The following TP53I3 variants were observed in gnomAD, a reference collection of about 807,000 sequenced individuals.
The protein encoded by TP53I3 is tumor protein p53 inducible protein 3.
In TP53I3, 32 loss-of-function variants were observed where a neutral mutation model predicts 27.7. The ratio of observed to expected loss-of-function variants is 1.16; its 90% CI spans 0.87 to 1.55. The LOEUF is 1.55. Ranked by LOEUF, TP53I3 falls within the 40% of genes most tolerant of loss-of-function variation. TP53I3 has a pLI of 0.00. For synonymous variants in TP53I3, 138 were observed against 167.8 expected (o/e 0.82, Z 1.37); for missense variants, 372 against 412.3 (o/e 0.90, Z 0.85).
At position 24,080,008 on chromosome 2, in the gene TP53I3, G is replaced by C. The variant is rs1187899422; in HGVS notation, c.620-368C>G. Among the ~76,000 whole-genome samples the C allele has an allele frequency of 2.0e-5, 3 of 152,150 alleles. No individual in the cohort carries two copies. Among genetic ancestry groups the C allele is most frequent in the African/African-American group, 7.2e-5 (3 of 41,430 alleles). On this transcript the variant is annotated intron_variant, in intron 3 of 4. Coordinates refer to ENST00000238721, the MANE Select transcript of TP53I3 (RefSeq NM_004881.5). The surrounding 1 kb of genome is among the most constrained non-coding windows in gnomAD (Gnocchi z 4.7). ...AGAAGTTAGGAAGTGTCCGCACTAGGTTATTGGAATCATAGGCTTTCTAGC... is the reference window on the plus strand; with the variant it reads ...AGAAGTTAGGAAGTGTCCGCACTAGCTTATTGGAATCATAGGCTTTCTAGC...
At chr2:24,083,213 CT>C (rs539145903) in intron 1 of TP53I3, 61 bp from the exon 2 acceptor site, 161 of 1,488,508 alleles carry the variant, frequency 1.1e-4, no homozygotes, top group Non-Finnish European at 1.1e-4. Context: ...GTCACTACCC[CT>C]GGCCCCCCTT....
In TP53I3 at chr2:24,081,040, G is replaced by C. The variant is rs1167608469; in HGVS notation, c.407-9C>G. The stretch of plus-strand genomic sequence containing the variant: ...TCCAGCCTGAACATTTCCTGTGACA[G>C]AAAGTACAGGGTTCTCTTTACTTTG... On this transcript the variant is annotated splice_polypyrimidine_tract_variant and intron_variant, in intron 2 of 4. Coordinates refer to ENST00000238721, the MANE Select transcript of TP53I3 (RefSeq NM_004881.5). 5.0e-6 allele frequency: 8 copies of C among 1,610,364 alleles called. No homozygotes were observed. The East Asian group carries it at 1.8e-4, about 36-fold the overall frequency.
chr2:24,077,839 C>T lies in TP53I3; in HGVS notation c.817-78G>A, dbSNP rs1664826737. Reference sequence around the variant, plus strand: ...CTCCTCATCCTCCTCAGCCTTCTTGCTCTCTCTGAAGCCACGTATCTGAAA... The same window carrying T: ...CTCCTCATCCTCCTCAGCCTTCTTGTTCTCTCTGAAGCCACGTATCTGAAA... On this transcript the variant is annotated intron_variant, in intron 4 of 4. Coordinates refer to ENST00000238721, the MANE Select transcript of TP53I3 (RefSeq NM_004881.5). The surrounding 1 kb of genome is among the most constrained non-coding windows in gnomAD (Gnocchi z 5.5). 1 of 1,507,764 alleles carries T rather than the reference C, an allele frequency of 6.6e-7. No homozygotes were observed. The highest frequency in any genetic ancestry group is 9.0e-7 in the Non-Finnish European group (1 of 1,115,670). 93.4% of individuals were successfully genotyped at this position (1,507,764 alleles called of 1,614,324 possible).
rs1429280567 is a variant in TP53I3 at position 24,084,712 on chromosome 2, G to A, written c.-386C>T. On this transcript the variant is annotated 5_prime_UTR_variant, in exon 1 of 5. Transcript: ENST00000238721. The surrounding 1 kb of genome is among the most constrained non-coding windows in gnomAD (Gnocchi z 8.4). ...CCCCAGCCCGACCCGGGTCCCCGGC[G>A]CCCGTATGAGTTACTTACTCCTGGC... 5.8e-6 allele frequency: 1 copy of A among 172,978 alleles called. No homozygotes were observed. The highest frequency in any genetic ancestry group is 1.6e-4 in the East Asian group (1 of 6,440). The allele number at this position is 172,978 out of a possible 1,614,324, so 10.7% of individuals were successfully genotyped here.
rs762845337 is a variant in TP53I3, at chr2:24,084,264, G to A, written c.63C>T (p.Ala21=). ...CTTCACCCTCCCCCGGGCTCGGCTT[G>A]GCCACCTCCTTCACGTAGAGGTTTT... is the stretch of plus-strand genomic sequence containing the variant. ...GPENLYVKEV[A]KPSPGEGEVL... is the part of the protein sequence containing the mutation. The change falls in exon 1 of 5, where the codon GCC becomes GCT. Residue 21 remains alanine (A), a synonymous_variant. Coordinates refer to ENST00000238721, the MANE Select transcript of TP53I3 (RefSeq NM_004881.5). The surrounding 1 kb of genome is among the most constrained non-coding windows in gnomAD (Gnocchi z 8.4). 2.5e-6 allele frequency: 4 copies of A among 1,613,996 alleles called. No homozygotes were observed. In the Admixed American group the frequency reaches 6.7e-5, roughly 27 times the overall value.
rs1041407268 is a variant in TP53I3, at chr2:24,081,472, C to G, written c.407-441G>C. Among the ~76,000 whole-genome samples the G allele has an allele frequency of 1.2e-4, 18 of 152,324 alleles. 1 individual carries two copies. In the East Asian group the frequency reaches 3.5e-3, roughly 29 times the overall value. ...CTGGCCTCCAGCTGGTCTTCCTGAT[C>G]CAGGCAACACACAGCCACCAGGCTC... On this transcript the variant is annotated intron_variant, in intron 2 of 4. Coordinates refer to ENST00000238721, the MANE Select transcript of TP53I3 (RefSeq NM_004881.5).
chr2:24,077,473 G>T lies in TP53I3; in HGVS notation c.*106C>A, dbSNP rs1664799601. 7.5e-7 allele frequency: 1 copy of T among 1,331,284 alleles called. No individual in the cohort carries two copies. The highest frequency in any genetic ancestry group is 1.0e-6 in the Non-Finnish European group (1 of 992,544). 82.5% of individuals were successfully genotyped at this position (1,331,284 alleles called of 1,614,324 possible). A position where few individuals can be genotyped will look rare whatever the true frequency, so the allele number is the denominator to read the frequency against. ...TATTTCCTCATATCAGCTTTAAACG[G>T]CTCTGGAGGAAGCACCGGGTTTCTT... On this transcript the variant is annotated 3_prime_UTR_variant, in exon 5 of 5. Transcript: ENST00000238721. The surrounding 1 kb of genome is among the most constrained non-coding windows in gnomAD (Gnocchi z 5.5).
At position 24,080,365 on chromosome 2, in the gene TP53I3, A is replaced by AG. The variant is rs1303175047; in HGVS notation, c.619+453_619+454insC. Reference sequence around the variant, plus strand: ...GTGAGACTCCATCTCAAAAAAAAAAAAGAAAGAGAAACGGAAAGGGATGAG... The same window carrying AG: ...GTGAGACTCCATCTCAAAAAAAAAAAGAGAAAGAGAAACGGAAAGGGATGAG... On this transcript the variant is annotated intron_variant, in intron 3 of 4. Transcript: ENST00000238721. The surrounding 1 kb of genome is among the most constrained non-coding windows in gnomAD (Gnocchi z 4.7). 3.9e-5 allele frequency among the ~76,000 whole-genome samples: 6 copies of AG among 151,934 alleles called. No individual in the cohort carries two copies. The highest frequency in any genetic ancestry group is 1.3e-4 in the Admixed American group (2 of 15,268).
In TP53I3 at chr2:24,079,002, A is replaced by G. The variant is rs556301617; in HGVS notation, c.816+442T>C. 9.8e-5 allele frequency: 16 copies of G among 164,098 alleles called. No homozygotes were observed. In the East Asian group the frequency reaches 2.6e-3, roughly 27 times the overall value. The allele number at this position is 164,098 out of a possible 1,614,324, so 10.2% of individuals were successfully genotyped here. On this transcript the variant is annotated intron_variant, in intron 4 of 4. Transcript: ENST00000238721. ...CTGGACTCAAGCAATCCTCTGCCTC[A>G]GCCTTCCAAGTAGCTGGGACTACAA...
intron 2 of TP53I3, among the ~76,000 whole-genome samples, chr2:24,082,682 A>G (rs1447652998): frequency 6.6e-6 from 1 of 152,076 alleles, no homozygotes; most frequent in African/African-American, 2.4e-5. Context: ...TAGGCCTCCT[A>G]TCTAGTGTTA....
rs1175983816 is a variant in TP53I3, at chr2:24,084,111, T to C, written c.138+78A>G. 1 of 1,520,144 alleles carries C rather than the reference T, an allele frequency of 6.6e-7. No homozygotes were observed. Among genetic ancestry groups the C allele is most frequent in the African/African-American group, 1.4e-5 (1 of 73,068 alleles). 94.2% of individuals were successfully genotyped at this position (1,520,144 alleles called of 1,614,324 possible). A position where few individuals can be genotyped will look rare whatever the true frequency, so the allele number is the denominator to read the frequency against. ...GTGGAGCGGTGCACGCCTTCACGTC[T>C]GGTCAATGTCCACTGAGTGCTGTTG... On this transcript the variant is annotated intron_variant, in intron 1 of 4. Transcript: ENST00000238721. The surrounding 1 kb of genome is among the most constrained non-coding windows in gnomAD (Gnocchi z 8.4).
chr2:24,079,312 C>T lies in TP53I3; in HGVS notation c.816+132G>A, dbSNP rs1206977175. 5.3e-6 allele frequency: 5 copies of T among 944,418 alleles called. No homozygotes were observed. In the East Asian group the frequency reaches 1.0e-4, roughly 19 times the overall value. 58.5% of individuals were successfully genotyped at this position (944,418 alleles called of 1,614,324 possible). On this transcript the variant is annotated intron_variant, in intron 4 of 4. Transcript: ENST00000238721. ...CTCTGAAATCGGGTTCCCTCTTTAT[C>T]TTCAGAGGGGGAGGTTTCTTCATAG...
rs776891935 is a variant in TP53I3 at position 24,082,913 on chromosome 2, G to A, written c.378C>T (p.Leu126=). 5 of 1,611,656 alleles carry A rather than the reference G, an allele frequency of 3.1e-6. No individual in the cohort carries two copies. The South Asian group carries it at 5.5e-5, about 18-fold the overall frequency. Residue 126 remains leucine (L), a synonymous_variant, in exon 2 of 5, where the codon CTC becomes CTT. Transcript: ENST00000238721. The stretch of plus-strand genomic sequence containing the variant: ...CAAGATGTAACAGCTGGAAGGCGGT[G>A]AGCCAGGCCTCTGGGATGGCTGCAG... ...TQAAAIPEAW[L]TAFQLLHLVG... is the part of the protein sequence containing the mutation.
In TP53I3 at chr2:24,084,250, C is replaced by T; in HGVS notation, c.77G>A (p.Gly26Glu). Residue 26 changes from glycine (G) to glutamate (E), a missense_variant, in exon 1 of 5, where the codon GGG becomes GAG. Transcript: ENST00000238721. The surrounding 1 kb of genome is among the most constrained non-coding windows in gnomAD (Gnocchi z 8.4). ...CACCTTCAGGAGGACTTCACCCTCC[C>T]CCGGGCTCGGCTTGGCCACCTCCTT... ...YVKEVAKPSP[G>E]EGEVLLKVAA... 2 of 1,614,156 alleles carry T rather than the reference C, an allele frequency of 1.2e-6. No homozygotes were observed. The highest frequency in any genetic ancestry group is 1.7e-6 in the Non-Finnish European group (2 of 1,180,006).
In TP53I3 at chr2:24,077,684, C is replaced by T. The variant is rs1298747249; in HGVS notation, c.894G>A (p.Leu298=). 2 of 1,614,006 alleles carry T rather than the reference C, an allele frequency of 1.2e-6. No homozygotes were observed. Among genetic ancestry groups the T allele is most frequent in the African/African-American group, 2.7e-5 (2 of 74,910 alleles). The stretch of plus-strand genomic sequence containing the variant: ...CTGGGTAGATTCTGTCCAGAACCGG[C>T]AGCAGACGTTGGGGGCCCTCCGTGG... ...HFSTEGPQRL[L]PVLDRIYPVT... Residue 298 remains leucine, a synonymous_variant, in exon 5 of 5, where the codon CTG becomes CTA. Coordinates refer to ENST00000238721, the MANE Select transcript of TP53I3 (RefSeq NM_004881.5). The surrounding 1 kb of genome is among the most constrained non-coding windows in gnomAD (Gnocchi z 5.5).
chr2:24,084,501 T>C lies in TP53I3; in HGVS notation c.-175A>G, dbSNP rs1358699046. On this transcript the variant is annotated 5_prime_UTR_variant, in exon 1 of 5. Transcript: ENST00000238721. This position sits in a 1 kb window ranked among gnomAD's most constrained non-coding sequence, Gnocchi z 8.4. ...GCCGGCCAGCGCCTCGCTGCCCTGG[T>C]CTGCCGCGGACCCGGCCTCCGCCCC... 2.3e-6 allele frequency: 2 copies of C among 877,674 alleles called. No individual in the cohort carries two copies. Among genetic ancestry groups the C allele is most frequent in the Middle Eastern group, 3.6e-4 (1 of 2,766 alleles). The allele number at this position is 877,674 out of a possible 1,614,324, so 54.4% of individuals were successfully genotyped here.
rs144988626 is a variant in TP53I3, at chr2:24,077,593, C to A, written c.985G>T (p.Glu329Ter). 2.8e-5 allele frequency: 45 copies of A among 1,591,098 alleles called. No individual in the cohort carries two copies. Among genetic ancestry groups the A allele is most frequent in the Non-Finnish European group, 2.9e-5 (34 of 1,167,278 alleles). ...CCCATCCTCCTTCACTGGGGCAGTT[C>A]CAGGACGATCTTGCCTATGTTCTTG... is the stretch of plus-strand genomic sequence containing the variant. ...ANKNIGKIVLELPQ is the reference protein window; with the variant it reads ...ANKNIGKIVL Residue 329 changes from glutamate (E) to a stop codon, truncating the protein, a stop_gained, in exon 5 of 5, where the codon GAA (glutamate) becomes TAA (stop). Coordinates refer to ENST00000238721, the MANE Select transcript of TP53I3 (RefSeq NM_004881.5). LOFTEE classifies it high-confidence loss of function. The surrounding 1 kb of genome is among the most constrained non-coding windows in gnomAD (Gnocchi z 5.5).
rs1403857243 is a variant in TP53I3 at position 24,084,160 on chromosome 2, C to T, written c.138+29G>A. On this transcript the variant is annotated intron_variant, in intron 1 of 4. Coordinates refer to ENST00000238721, the MANE Select transcript of TP53I3 (RefSeq NM_004881.5). This position sits in a 1 kb window ranked among gnomAD's most constrained non-coding sequence, Gnocchi z 8.4. The stretch of plus-strand genomic sequence containing the variant: ...TGAGAGGGAGGCTCTGGAGTCCCGC[C>T]CGCCCCGGCGCGGCTGAGCCCTGGG... 1.3e-6 allele frequency: 2 copies of T among 1,592,402 alleles called. No individual in the cohort carries two copies. Among genetic ancestry groups the T allele is most frequent in the Non-Finnish European group, 1.7e-6 (2 of 1,171,206 alleles).
In TP53I3 at chr2:24,079,508, A is replaced by T; in HGVS notation, c.752T>A (p.Phe251Tyr). The T allele has an allele frequency of 6.2e-7, 1 of 1,614,144 alleles. No individual in the cohort carries two copies. The highest frequency in any genetic ancestry group is 8.5e-7 in the Non-Finnish European group (1 of 1,180,030). Residue 251 changes from phenylalanine to tyrosine, a missense_variant, in exon 4 of 5, where the codon TTT (phenylalanine) becomes TAT (tyrosine). By Grantham distance (22) the Phe-to-Tyr change is conservative. Coordinates refer to ENST00000238721, the MANE Select transcript of TP53I3 (RefSeq NM_004881.5). ...MGGGDINGPL[F>Y]SKLLFKRGSL... ...TCCTCGCTTAAAAAGTAGCTTTGAA[A>T]ACAGGGGCCCATTGATGTCACCTCC...
Sources: allele counts gnomAD v4.1 joint callset (sites outside exome capture counted in the v4.1 genomes callset), GRCh38; gene constraint gnomAD v4.1.1; non-coding constraint Gnocchi (gnomAD v3.1); transcripts MANE v1.5; gene names NCBI Gene and HGNC (gene_info 2026-07-23, HGNC 2026-07-21).